Variants in LRRC75B observed in about 807,000 individuals in gnomAD.
LRRC75B encodes the protein leucine rich repeat containing 75B.
In LRRC75B, 20 loss-of-function variants were observed where a neutral mutation model predicts 16.5. The observed-to-expected ratio is 1.21, with a 90% CI of 0.85 to 1.76. The LOEUF (loss-of-function observed/expected upper bound fraction) is 1.76, where lower values mean the gene tolerates loss of function less well. Among genes scored for constraint, LRRC75B ranks in the 40% most tolerant of loss-of-function variants. The probability of loss-of-function intolerance (pLI) is 0.00; values close to 1 mark genes in which losing one functional copy is unlikely to be tolerated. For synonymous variants in LRRC75B, 199 were observed against 198.1 expected (o/e 1.00, Z -0.04); for missense variants, 406 against 417.0 (o/e 0.97, Z 0.23).
At position 24,586,336 on chromosome 22, in the gene LRRC75B, C is replaced by G; in HGVS notation, c.498G>C (p.Gln166His). The change falls in exon 4 of 4, where the codon CAG becomes CAC. Residue 166 changes from glutamine (Q) to histidine (H), a missense_variant. Transcript: ENST00000318753. Reference protein sequence around the residue: ...VDLSGIPLSTQDVQHITRYLS... With the variant: ...VDLSGIPLSTHDVQHITRYLS... ...GGTAGCGTGTGATGTGTTGCACGTC[C>G]TGTGTCGACAGCGGGATGCCTGAGA... 1 of 1,613,974 alleles carries G rather than the reference C, an allele frequency of 6.2e-7. No individual in the cohort carries two copies. The highest frequency in any genetic ancestry group is 8.5e-7 in the Non-Finnish European group (1 of 1,180,050).
At chr22:24,586,596 A>G (rs1340424286) in intron 3 of LRRC75B, among the ~76,000 whole-genome samples, 185 bp from the exon 4 acceptor site, 1 of 152,262 alleles carries the variant, frequency 6.6e-6, no homozygotes. Flanking sequence ...CAGTGGCACA[A>G]TCTCGGCTTA....
intron 3 of LRRC75B, 46 bp from the exon 4 acceptor site, chr22:24,586,457 C>A (rs746504984): frequency 5.7e-6 from 9 of 1,565,540 alleles, no homozygotes; most frequent in Admixed American, 3.5e-5. Flanking sequence ...ACCAGGCAGT[C>A]CCCCCACTGA....
rs1430682648 is a variant in LRRC75B at position 24,593,059 on chromosome 22, C to T, written c.-20G>A. 4.2e-5 allele frequency: 44 copies of T among 1,038,852 alleles called. No homozygotes were observed. Among genetic ancestry groups the T allele is most frequent in the Non-Finnish European group, 4.9e-5 (42 of 865,772 alleles). The allele number at this position is 1,038,852 out of a possible 1,614,324, so 64.4% of individuals were successfully genotyped here. A position where few individuals can be genotyped will look rare whatever the true frequency, so the allele number is the denominator to read the frequency against. ...CCCCATGGCCGCCGCGCGATGGTCG[C>T]CGAACCCACAGGAGGCCGGGCTGTC... is the stretch of plus-strand genomic sequence containing the variant. On this transcript the variant is annotated 5_prime_UTR_variant, in exon 1 of 4. Transcript: ENST00000318753.
At chr22:24,589,234 T>C in intron 2 of LRRC75B, 1 of 1,262,696 alleles carries the variant, frequency 7.9e-7, no homozygotes, top group Non-Finnish European at 1.0e-6. Context: ...GCAGGACATC[T>C]GCAGGTGCTG....
In LRRC75B at chr22:24,585,993, C is replaced by T. The variant is rs766873061; in HGVS notation, c.841G>A (p.Asp281Asn). 14 of 1,610,680 alleles carry T rather than the reference C, an allele frequency of 8.7e-6. No homozygotes were observed. The South Asian group carries it at 1.5e-4, about 18-fold the overall frequency. Residue 281 changes from aspartate to asparagine, a missense_variant, in exon 4 of 4, where the codon GAC (aspartate) becomes AAC (asparagine). Transcript: ENST00000318753. ...GCCGCACTGCCCTCAGGCTCAAGGT[C>T]CAGGCCCTCGTAGATGGTGGGGAGT... ...TSLPTIYEGL[D>N]LEPEGSAAGA...
chr22:24,592,812 C>T, intron 1 of LRRC75B, 51 bp downstream of exon 1: 1 of 1,266,122 alleles, frequency 7.9e-7, no homozygotes, highest in South Asian at 2.2e-5. Flanking sequence ...CCCCCAGACC[C>T]CCAGACCCTC....
At chr22:24,591,350 A>G (rs1261462400) in intron 1 of LRRC75B, among the ~76,000 whole-genome samples, 1 of 152,188 alleles carries the variant, frequency 6.6e-6, no homozygotes, top group East Asian at 1.9e-4. Flanking sequence ...AAGTGCTGGG[A>G]TTATAGGCGT....
chr22:24,585,706 CCT>C lies in LRRC75B; in HGVS notation c.*178_*179del. The stretch of plus-strand genomic sequence containing the variant: ...CCCCTCCCACTGAGGGAAGGCTGAG[CCT>C]CTAGCCAGGGCTGGCCACCTGGCCA... On this transcript the variant is annotated 3_prime_UTR_variant, in exon 4 of 4. Transcript: ENST00000318753. 1 of 704,012 alleles carries C rather than the reference CCT, an allele frequency of 1.4e-6. No individual in the cohort carries two copies. The highest frequency in any genetic ancestry group is 2.3e-6 in the Non-Finnish European group (1 of 434,278). The allele number at this position is 704,012 out of a possible 1,614,324, so 43.6% of individuals were successfully genotyped here. A position where few individuals can be genotyped will look rare whatever the true frequency, so the allele number is the denominator to read the frequency against.
rs1314040233 is a variant in LRRC75B at position 24,592,950 on chromosome 22, G to A, written c.90C>T (p.Arg30=). The change falls in exon 1 of 4, where the codon CGC becomes CGT. Residue 30 remains arginine (R), a synonymous_variant. Transcript: ENST00000318753. ...GGATCTCGCGGAGCCACCGCACCCG[G>A]CGCTCGTAGGGCGCGGGCCCGCAGC... ...AAGCGPAPYE[R]RVRWLREIQS... is the part of the protein sequence containing the mutation. 47 of 1,220,676 alleles carry A rather than the reference G, an allele frequency of 3.9e-5. No homozygotes were observed. Among genetic ancestry groups the A allele is most frequent in the Non-Finnish European group, 4.7e-5 (46 of 977,972 alleles). 75.6% of individuals were successfully genotyped at this position (1,220,676 alleles called of 1,614,324 possible).
chr22:24,589,753 C>T, intron 2 of LRRC75B, 68 bp downstream of exon 2: 1 of 1,496,116 alleles, frequency 6.7e-7, no homozygotes, highest in East Asian at 2.4e-5. Context: ...CAGTCCCCAG[C>T]CCTGGGCTCT....
At chr22:24,588,624 G>A (rs533601361) in intron 2 of LRRC75B, 31 of 1,070,294 alleles carry the variant, frequency 2.9e-5, no homozygotes, top group Admixed American at 1.5e-4. Context: ...CAGGGCCAGC[G>A]TCTCGGGCTA....
chr22:24,592,091 G>A (rs2045585449), intron 1 of LRRC75B: 3 of 354,366 alleles, frequency 8.5e-6, no homozygotes, highest in Non-Finnish European at 1.7e-5. Context: ...CACAGGATGG[G>A]GCAGGTAGTG....
At chr22:24,587,080 G>A (rs535795219) in intron 3 of LRRC75B, among the ~76,000 whole-genome samples, 1 of 152,296 alleles carries the variant, frequency 6.6e-6, no homozygotes, top group African/African-American at 2.4e-5. Context: ...GGGGAACCAG[G>A]TCCTCAAACT....
chr22:24,590,209 T>G (rs1601594680), intron 1 of LRRC75B, among the ~76,000 whole-genome samples: 2 of 152,112 alleles, frequency 1.3e-5, no homozygotes, highest in Non-Finnish European at 2.9e-5. Context: ...CTCAGTTCAG[T>G]GTAACATCTG....
At chr22:24,588,567 GC>G in intron 2 of LRRC75B, 1 of 832,596 alleles carries the variant, frequency 1.2e-6, no homozygotes, top group Non-Finnish European at 1.7e-6. Flanking sequence ...GCAGTGCCCG[GC>G]GGGAGGAAGC....
intron 1 of LRRC75B, among the ~76,000 whole-genome samples, chr22:24,590,571 G>A (rs888878868): frequency 6.6e-6 from 1 of 152,108 alleles, no homozygotes; most frequent in African/African-American, 2.4e-5. Flanking sequence ...ATTCTTTGGG[G>A]TCTTTCGTCT....
At chr22:24,591,113 C>T (rs2045554776) in intron 1 of LRRC75B, among the ~76,000 whole-genome samples, 1 of 152,224 alleles carries the variant, frequency 6.6e-6, no homozygotes, top group South Asian at 2.1e-4. Context: ...GAGTTTTGCT[C>T]TTGTTGCCCG....
rs1479879959 is a variant in LRRC75B, at chr22:24,593,012, C to G, written c.28G>C (p.Gly10Arg). 3.7e-6 allele frequency: 4 copies of G among 1,092,008 alleles called. No homozygotes were observed. The highest frequency in any genetic ancestry group is 1.0e-4 in the Admixed American group (2 of 19,406). 67.6% of individuals were successfully genotyped at this position (1,092,008 alleles called of 1,614,324 possible). MGARLGRRAGPEAGSEAGAA... is the reference protein window; with the variant it reads MGARLGRRARPEAGSEAGAA... ...CCGGCCTCAGAGCCAGCCTCGGGCC[C>G]GGCCCGCCGGCCCAGCCGCGCCCCC... The change falls in exon 1 of 4, where the codon GGG becomes CGG. Residue 10 changes from glycine (G) to arginine (R), a missense_variant. Gly to Arg is a moderately radical substitution (Grantham distance 125). Coordinates refer to ENST00000318753, the MANE Select transcript of LRRC75B (RefSeq NM_207644.3).
rs772944925 is a variant in LRRC75B at position 24,586,290 on chromosome 22, G to C, written c.544C>G (p.Leu182Val). Residue 182 changes from leucine (L) to valine (V), a missense_variant, in exon 4 of 4, where the codon CTG becomes GTG. Coordinates refer to ENST00000318753, the MANE Select transcript of LRRC75B (RefSeq NM_207644.3). ...TRYLSSHGAV[L>V]AVLDLSFTGL... The stretch of plus-strand genomic sequence containing the variant: ...GTGAAGCTCAGGTCCAGCACCGCCA[G>C]CACAGCACCATGGCTGCTCAGGTAG... 9 of 1,613,866 alleles carry C rather than the reference G, an allele frequency of 5.6e-6. No individual in the cohort carries two copies. In the African/African-American group the frequency reaches 9.3e-5, roughly 17 times the overall value.
Sources: allele counts gnomAD v4.1 joint callset (sites outside exome capture counted in the v4.1 genomes callset), GRCh38; gene constraint gnomAD v4.1.1; transcripts MANE v1.5; gene names NCBI Gene and HGNC (gene_info 2026-07-23, HGNC 2026-07-21).